MYBPC1: variants seen among roughly 807,000 people sequenced by gnomAD.
The protein encoded by MYBPC1 is myosin-binding protein C, slow-type.
In MYBPC1, 52 loss-of-function variants were observed where a neutral mutation model predicts 147.1. The observed-to-expected ratio is 0.35, with a 90% CI of 0.28 to 0.45. The LOEUF is 0.45. MYBPC1 is among the 20% of genes least tolerant of loss of function. The pLI is 1.00. For synonymous variants in MYBPC1, 477 were observed against 475.9 expected (o/e 1.00, Z -0.03); for missense variants, 1,228 against 1,440.3 (o/e 0.85, Z 2.39).
rs756799179 is a variant in MYBPC1 at position 101,659,716 on chromosome 12, T to C, written c.1812T>C (p.Pro604=). The C allele has an allele frequency of 1.2e-6, 2 of 1,614,152 alleles. No individual in the cohort carries two copies. The highest frequency in any genetic ancestry group is 3.3e-5 in the Admixed American group (2 of 60,014). ...GSGRIRTESY[P]DSSTLVIDIA... is the part of the protein sequence containing the mutation. ...GCCGGATAAGAACAGAATCTTACCC[T>C]GATAGCAGCACTCTGGTCATTGATA... The change falls in exon 19 of 32, where the codon CCT becomes CCC. Residue 604 remains proline, a synonymous_variant. Coordinates refer to ENST00000361466, the MANE Select transcript of MYBPC1 (RefSeq NM_002465.4).
Position 101,642,525 on chromosome 12 carries a change from G to A in MYBPC1, c.772G>A (p.Asp258Asn). 6.2e-7 allele frequency: 1 copy of A among 1,613,660 alleles called. No homozygotes were observed. Among genetic ancestry groups the A allele is most frequent in the Non-Finnish European group, 8.5e-7 (1 of 1,179,842 alleles). Reference sequence around the variant, plus strand: ...GATCGCCTTCCAGTATGGAATCACCGACCTGCGCGGCATGCTCAAGCGACT... The same window carrying A: ...GATCGCCTTCCAGTATGGAATCACCAACCTGCGCGGCATGCTCAAGCGACT... The part of the protein sequence containing the change: ...EKIAFQYGIT[D>N]LRGMLKRLKR... Residue 258 changes from aspartate to asparagine, a missense_variant, in exon 11 of 32, where the codon GAC becomes AAC. This residue lies in a region of MYBPC1 where 1,077 missense variants were observed against 1,314.2 expected (regional missense o/e 0.82). Coordinates refer to ENST00000361466, the MANE Select transcript of MYBPC1 (RefSeq NM_002465.4).
Position 101,648,133 on chromosome 12 carries a change from T to A in MYBPC1, c.1179T>A (p.Asp393Glu), listed in dbSNP as rs768003465. 1.9e-6 allele frequency: 3 copies of A among 1,610,632 alleles called. No individual in the cohort carries two copies. The highest frequency in any genetic ancestry group is 2.5e-6 in the Non-Finnish European group (3 of 1,177,136). ...RVELECEVSE[D>E]DANVKWFKNG... The stretch of plus-strand genomic sequence containing the variant: ...AATTAGAATGTGAGGTGTCTGAAGA[T>A]GATGCCAATGTAAAATGGTAAATAG... Residue 393 changes from aspartate to glutamate, a missense_variant, in exon 14 of 32, where the codon GAT becomes GAA. Physicochemically the swap from Asp to Glu is conservative, Grantham distance 45. Coordinates refer to ENST00000361466, the MANE Select transcript of MYBPC1 (RefSeq NM_002465.4).
In MYBPC1 at chr12:101,685,800, A is replaced by C; in HGVS notation, c.*238A>C. On this transcript the variant is annotated 3_prime_UTR_variant, in exon 32 of 32. Coordinates refer to ENST00000361466, the MANE Select transcript of MYBPC1 (RefSeq NM_002465.4). ...AAGTGTGGTCTTTTTCTTTCCTCCT[A>C]ATGTTGAAGAGAAAAAAAAAAAAAA... The C allele has an allele frequency of 3.2e-6, 2 of 625,438 alleles. No individual in the cohort carries two copies. Among genetic ancestry groups the C allele is most frequent in the Non-Finnish European group, 5.0e-6 (2 of 401,752 alleles). The allele number at this position is 625,438 out of a possible 1,614,324, so 38.7% of individuals were successfully genotyped here.
At chr12:101,651,423 G>A (rs1282282767) in intron 16 of MYBPC1, 30 bp downstream of exon 16, 2 of 1,612,836 alleles carry the variant, frequency 1.2e-6, no homozygotes, top group Middle Eastern at 1.6e-4. Context: ...CGCAAGTGAG[G>A]TTTGGTCCCA....
chr12:101,662,708 A>C (rs1896771249), intron 21 of MYBPC1, among the ~76,000 whole-genome samples, 162 bp downstream of exon 21: 1 of 152,198 alleles, frequency 6.6e-6, no homozygotes, highest in South Asian at 2.1e-4. Flanking sequence ...AGAAATTAAA[A>C]AGTAGGTTTG....
chr12:101,631,898 A>T (rs956308025), intron 7 of MYBPC1, 123 bp from the exon 8 acceptor site: 1 of 1,274,338 alleles, frequency 7.8e-7, no homozygotes, highest in Admixed American at 1.7e-5. Flanking sequence ...TACAGGACAC[A>T]TTTGCCCTCC....
At chr12:101,636,812 G>A in intron 10 of MYBPC1, 84 bp downstream of exon 10, 3 of 1,106,964 alleles carry the variant, frequency 2.7e-6, no homozygotes, top group Non-Finnish European at 2.8e-6. Flanking sequence ...TAAAGTGGAT[G>A]TTCTTCAGAG....
intron 18 of MYBPC1, among the ~76,000 whole-genome samples, chr12:101,657,831 A>G (rs1895806876): frequency 6.6e-6 from 1 of 152,208 alleles, no homozygotes; most frequent in Non-Finnish European, 1.5e-5. Context: ...GGTCAGTTTT[A>G]TCCTAATATC....
intron 8 of MYBPC1, 34 bp from the exon 9 acceptor site, chr12:101,634,520 G>C (rs773575400): frequency 5.2e-6 from 8 of 1,543,314 alleles, no homozygotes; most frequent in Admixed American, 1.7e-5. Context: ...CTCCTTAATG[G>C]GTATTTATGT....
At chr12:101,623,507 T>A (rs1327621956) in intron 3 of MYBPC1, among the ~76,000 whole-genome samples, 1 of 152,260 alleles carries the variant, frequency 6.6e-6, no homozygotes, top group African/African-American at 2.4e-5. Context: ...GTGAATACTC[T>A]TCTCATTTTG....
chr12:101,630,427 T>G (rs1565922796), intron 6 of MYBPC1, among the ~76,000 whole-genome samples: 2 of 152,218 alleles, frequency 1.3e-5, no homozygotes, highest in Non-Finnish European at 2.9e-5. Flanking sequence ...TTAACTTCTT[T>G]ATGCCTCAGT....
At chr12:101,637,524 A>G (rs1891240456) in intron 10 of MYBPC1, among the ~76,000 whole-genome samples, 1 of 152,162 alleles carries the variant, frequency 6.6e-6, no homozygotes, top group Non-Finnish European at 1.5e-5. Context: ...AGCAACAAAA[A>G]GAAACACTTT....
intron 30 of MYBPC1, 48 bp downstream of exon 30, chr12:101,682,710 C>T (rs761051857): frequency 1.3e-6 from 2 of 1,519,154 alleles, no homozygotes; most frequent in African/African-American, 1.4e-5. Flanking sequence ...CCGTTCCATT[C>T]CTCTTACATG....
chr12:101,644,358 C>T (rs1300612498), intron 11 of MYBPC1, among the ~76,000 whole-genome samples: 1 of 152,152 alleles, frequency 6.6e-6, no homozygotes, highest in Non-Finnish European at 1.5e-5. Flanking sequence ...TTAAAGTTCA[C>T]TTTCATCTGA....
chr12:101,634,197 G>A (rs1593800697), intron 8 of MYBPC1, among the ~76,000 whole-genome samples: 1 of 152,094 alleles, frequency 6.6e-6, no homozygotes, highest in Non-Finnish European at 1.5e-5. Context: ...ACCGCGCCCG[G>A]CCCCTGGAGG....
chr12:101,680,219 T>C, intron 28 of MYBPC1, 124 bp from the exon 29 acceptor site: 1 of 926,910 alleles, frequency 1.1e-6, no homozygotes, highest in Non-Finnish European at 1.7e-6. Context: ...AGTAAAAGTC[T>C]ATCCTTCTCA....
chr12:101,662,414 G>T lies in MYBPC1; in HGVS notation c.2089G>T (p.Asp697Tyr), dbSNP rs1234474780. 6.2e-7 allele frequency: 1 copy of T among 1,614,086 alleles called. No homozygotes were observed. Among genetic ancestry groups the T allele is most frequent in the Non-Finnish European group, 8.5e-7 (1 of 1,180,036 alleles). ...QSSRWMRLNF[D>Y]LCKETTFEPK... The stretch of plus-strand genomic sequence containing the variant: ...CTCCAGGTGGATGAGGCTGAATTTT[G>T]ATCTCTGCAAAGAAACAACTTTTGA... The change falls in exon 21 of 32, where the codon GAT (aspartate) becomes TAT (tyrosine). Residue 697 changes from aspartate (D) to tyrosine (Y), a missense_variant. By Grantham distance (160) the Asp-to-Tyr change is radical. Coordinates refer to ENST00000361466, the MANE Select transcript of MYBPC1 (RefSeq NM_002465.4).
At chr12:101,690,881 T>C (rs537810723), downstream of MYBPC1, among the ~76,000 whole-genome samples, 4 of 152,294 alleles carry the variant, frequency 2.6e-5, no homozygotes, top group Admixed American at 1.3e-4. Context: ...ATTTAGACTT[T>C]AGAGTCTCAA....
In MYBPC1 at chr12:101,670,374, G is replaced by A; in HGVS notation, c.2578G>A (p.Val860Ile). The change falls in exon 24 of 32, where the codon GTT becomes ATT. Residue 860 changes from valine (V) to isoleucine (I), a missense_variant. Around this residue, in one of 2 missense-constraint regions of MYBPC1, gnomAD observed 1,077 missense variants for 1,314.2 expected, o/e 0.82. Coordinates refer to ENST00000361466, the MANE Select transcript of MYBPC1 (RefSeq NM_002465.4). ...RHLKQTYIRR[V>I]GEAVNLVIPF... ...CCTGAAGCAAACCTATATCCGCAGA[G>A]TTGGAGAAGCTGTCAATCTGGTTAT... is the stretch of plus-strand genomic sequence containing the variant. 6.2e-7 allele frequency: 1 copy of A among 1,614,138 alleles called. No individual in the cohort carries two copies. The highest frequency in any genetic ancestry group is 1.1e-5 in the South Asian group (1 of 91,082).
Sources: gnomAD v4.1 joint callset for allele counts (sites outside exome capture counted in the v4.1 genomes callset) on GRCh38, gnomAD v4.1.1 for gene constraint, gnomAD v4.1.1 regional missense constraint, MANE v1.5 for transcripts, NCBI Gene and HGNC (gene_info 2026-07-23, HGNC 2026-07-21) for gene names.